Variants in TGFBRAP1 observed in about 807,000 individuals in gnomAD.
The protein encoded by TGFBRAP1 is transforming growth factor-beta receptor-associated protein 1.
Under a neutral mutation model 83.2 loss-of-function variants are expected in TGFBRAP1, and 20 were observed. The observed-to-expected ratio is 0.24, with a 90% CI of 0.17 to 0.35. The LOEUF (loss-of-function observed/expected upper bound fraction) is 0.35, where lower values mean the gene tolerates loss of function less well. Among genes scored for constraint, TGFBRAP1 ranks in the 10% least tolerant of loss-of-function variants. TGFBRAP1 has a pLI of 1.00. For missense variants in TGFBRAP1, 950 were observed against 1,099.4 expected, an observed-to-expected ratio of 0.86 and a Z score of 1.92; for synonymous variants, 415 against 459.8, an observed-to-expected ratio of 0.90 and a Z score of 1.25.
chr2:105,317,708 G>C (rs2104412571), intron 1 of TGFBRAP1, among the ~76,000 whole-genome samples: 1 of 152,262 alleles, frequency 6.6e-6, no homozygotes, highest in Middle Eastern at 3.4e-3. Flanking sequence ...AAAAGATAAG[G>C]GGAAAAGGGG....
chr2:105,276,217 G>C (rs1677338319), intron 7 of TGFBRAP1, among the ~76,000 whole-genome samples: 1 of 152,184 alleles, frequency 6.6e-6, no homozygotes, highest in African/African-American at 2.4e-5. Flanking sequence ...CTTTTGCACA[G>C]GGGGCTCAGG....
intron 5 of TGFBRAP1, among the ~76,000 whole-genome samples, chr2:105,283,151 A>C (rs541123376): frequency 4.7e-4 from 71 of 152,308 alleles, no homozygotes; most frequent in African/African-American, 1.6e-3. Context: ...GGGGCAAAAA[A>C]CTGACTTAAA....
At chr2:105,314,404 C>A (rs1215292777) in intron 1 of TGFBRAP1, among the ~76,000 whole-genome samples, 1 of 151,670 alleles carries the variant, frequency 6.6e-6, no homozygotes, top group African/African-American at 2.4e-5. Context: ...GCGCCTGCCA[C>A]CACGCCTGGC....
At chr2:105,255,299 C>T in the TGFBRAP1 span, among the ~76,000 whole-genome samples, 2 of 152,150 alleles carry the variant, frequency 1.3e-5, no homozygotes, top group African/African-American at 4.8e-5. Context: ...AACAGCTCGC[C>T]CACAAGCAAG....
In TGFBRAP1 at chr2:105,308,130, C is replaced by A. The variant is rs113450226; in HGVS notation, c.172G>T (p.Ala58Ser). 6 of 1,614,036 alleles carry A rather than the reference C, an allele frequency of 3.7e-6. No individual in the cohort carries two copies. Among genetic ancestry groups the A allele is most frequent in the Non-Finnish European group, 4.2e-6 (5 of 1,180,052 alleles). Residue 58 changes from alanine to serine, a missense_variant, in exon 2 of 12, where the codon GCT (alanine) becomes TCT (serine). Ala to Ser is a moderately conservative substitution (Grantham distance 99). Transcript: ENST00000393359. ...GTGGCAGTGAACGTGGCTGGCCCAG[C>A]AGGCACTGGCCTCTCCTCCAACAGG... Reference protein sequence around the residue: ...HFLLEERPVPAGPATFTATKQ... With the variant: ...HFLLEERPVPSGPATFTATKQ...
At chr2:105,261,190 C>A (rs1443864484), downstream of TGFBRAP1, among the ~76,000 whole-genome samples, 1 of 152,128 alleles carries the variant, frequency 6.6e-6, no homozygotes, top group Non-Finnish European at 1.5e-5. Flanking sequence ...CAACTGACCA[C>A]CCCAGTTCTA....
chr2:105,289,636 A>G (rs1475739269), intron 4 of TGFBRAP1, among the ~76,000 whole-genome samples: 1 of 152,182 alleles, frequency 6.6e-6, no homozygotes, highest in Non-Finnish European at 1.5e-5. Flanking sequence ...CAGGCCTCGA[A>G]ACTCTTCCTG....
In TGFBRAP1 at chr2:105,308,116, C is replaced by T. The variant is rs1678576959; in HGVS notation, c.186G>A (p.Thr62=). 36 of 1,614,144 alleles carry T rather than the reference C, an allele frequency of 2.2e-5. No individual in the cohort carries two copies. Among genetic ancestry groups the T allele is most frequent in the Non-Finnish European group, 3.0e-5 (35 of 1,180,024 alleles). The change falls in exon 2 of 12, where the codon ACG becomes ACA. Residue 62 remains threonine (T), a synonymous_variant. Coordinates refer to ENST00000393359, the MANE Select transcript of TGFBRAP1 (RefSeq NM_004257.6). ...EERPVPAGPA[T]FTATKQLQRH... is the part of the protein sequence containing the mutation. Reference sequence around the variant, plus strand: ...TCTGCAGCTGTTTGGTGGCAGTGAACGTGGCTGGCCCAGCAGGCACTGGCC... The same window carrying T: ...TCTGCAGCTGTTTGGTGGCAGTGAATGTGGCTGGCCCAGCAGGCACTGGCC...
chr2:105,275,508 G>C (rs1459543404), intron 8 of TGFBRAP1, 52 bp downstream of exon 8: 1 of 1,603,812 alleles, frequency 6.2e-7, no homozygotes, highest in Non-Finnish European at 8.5e-7. Context: ...TTTGGGGTCT[G>C]TTTTTACCAC....
In TGFBRAP1 at chr2:105,275,701, C is replaced by A; in HGVS notation, c.1524G>T (p.Leu508Phe). The change falls in exon 8 of 12, where the codon TTG (leucine) becomes TTT (phenylalanine). Residue 508 changes from leucine (L) to phenylalanine (F), a missense_variant and splice_region_variant. Physicochemically the swap from Leu to Phe is conservative, Grantham distance 22. Transcript: ENST00000393359. ...YNNQDAAAVQLWVNIVNGDVQ... is the reference protein window; with the variant it reads ...YNNQDAAAVQFWVNIVNGDVQ... ...CATCGCCATTCACAATGTTCACCCA[C>A]AACTGGAAAGGAATCAAAAAGAAAA... The A allele has an allele frequency of 6.3e-7, 1 of 1,596,898 alleles. No homozygotes were observed. Among genetic ancestry groups the A allele is most frequent in the Non-Finnish European group, 8.5e-7 (1 of 1,173,836 alleles).
Position 105,284,310 on chromosome 2 carries a change from A to T in TGFBRAP1, c.1121+6T>A, listed in dbSNP as rs369329718. 7.6e-5 allele frequency: 123 copies of T among 1,613,708 alleles called. No individual in the cohort carries two copies. The African/African-American group carries it at 1.5e-3, about 20-fold the overall frequency. On this transcript the variant is annotated splice_donor_region_variant and intron_variant, in intron 5 of 11. Transcript: ENST00000393359. ...TGGCAGTCTTGCTACCAGCACCTCA[A>T]ATTACCTGAAGAGCTCTTTAGCTTC...
rs1197466594 is a variant in TGFBRAP1, at chr2:105,266,855, C to G, written c.*528G>C. 6.5e-6 allele frequency: 1 copy of G among 153,104 alleles called. No homozygotes were observed. The highest frequency in any genetic ancestry group is 1.9e-4 in the East Asian group (1 of 5,172). The allele number at this position is 153,104 out of a possible 1,614,324, so 9.5% of individuals were successfully genotyped here. ...ACGAGGTAACCCTGGGAAATGGGCC[C>G]ATGAGTGAGCGGCGTGGATGGAGAA... On this transcript the variant is annotated 3_prime_UTR_variant, in exon 12 of 12. Coordinates refer to ENST00000393359, the MANE Select transcript of TGFBRAP1 (RefSeq NM_004257.6).
Position 105,266,270 on chromosome 2 carries a change from A to AC in TGFBRAP1, c.*1112dup, listed in dbSNP as rs1676929909. ...GAGGGTGTGCCATCCAGGAGGCGACACCCCCATCCAGCACACGGGCCCTTC... is the reference window on the plus strand; with the variant it reads ...GAGGGTGTGCCATCCAGGAGGCGACACCCCCCATCCAGCACACGGGCCCTTC... On this transcript the variant is annotated 3_prime_UTR_variant, in exon 12 of 12. Transcript: ENST00000393359. 2 of 152,098 alleles carry AC rather than the reference A, an allele frequency of 1.3e-5. No homozygotes were observed. The highest frequency in any genetic ancestry group is 2.9e-5 in the Non-Finnish European group (2 of 68,028). The allele number at this position is 152,098 out of a possible 1,614,324, so 9.4% of individuals were successfully genotyped here.
intron 2 of TGFBRAP1, among the ~76,000 whole-genome samples, chr2:105,305,530 C>T (rs1678465690): frequency 6.6e-6 from 1 of 152,142 alleles, no homozygotes; most frequent in Admixed American, 6.5e-5. Context: ...GCTAAAGCCC[C>T]TTTTGAGGAG....
At chr2:105,282,980 G>A (rs970675191) in intron 5 of TGFBRAP1, among the ~76,000 whole-genome samples, 4 of 152,138 alleles carry the variant, frequency 2.6e-5, no homozygotes, top group East Asian at 1.9e-4. Flanking sequence ...TACAAAATCC[G>A]AGGACTCTTC....
rs573102673 is a variant in TGFBRAP1 at position 105,266,411 on chromosome 2, T to C, written c.*972A>G. 6.6e-6 allele frequency: 1 copy of C among 152,384 alleles called. No individual in the cohort carries two copies. The highest frequency in any genetic ancestry group is 6.5e-5 in the Admixed American group (1 of 15,306). 9.4% of individuals were successfully genotyped at this position (152,384 alleles called of 1,614,324 possible). On this transcript the variant is annotated 3_prime_UTR_variant, in exon 12 of 12. Transcript: ENST00000393359. ...AATTTCCCGAGTATTCAACAGGAGATACATTTTAACAAGAAAAAATACCCC... is the reference window on the plus strand; with the variant it reads ...AATTTCCCGAGTATTCAACAGGAGACACATTTTAACAAGAAAAAATACCCC...
chr2:105,321,349 G>C (rs1009989639), intron 1 of TGFBRAP1, among the ~76,000 whole-genome samples: 1 of 151,830 alleles, frequency 6.6e-6, no homozygotes, highest in Non-Finnish European at 1.5e-5. Context: ...TGTATTTTTA[G>C]TAAAGATGGG....
chr2:105,296,445 T>C lies in TGFBRAP1; in HGVS notation c.949A>G (p.Ile317Val). ...CTGCGGCTTGCTAGAAGATCCTGTA[T>C]TTGTTTTTCCAAAGGTAATGGAACC... Reference protein sequence around the residue: ...ILVPLPLEKQIQDLLASRRVE... With the variant: ...ILVPLPLEKQVQDLLASRRVE... Residue 317 changes from isoleucine (I) to valine (V), a missense_variant, in exon 4 of 12, where the codon ATA becomes GTA. Coordinates refer to ENST00000393359, the MANE Select transcript of TGFBRAP1 (RefSeq NM_004257.6). 4 of 1,614,156 alleles carry C rather than the reference T, an allele frequency of 2.5e-6. No homozygotes were observed. The highest frequency in any genetic ancestry group is 3.4e-6 in the Non-Finnish European group (4 of 1,180,020).
chr2:105,296,622 A>G, intron 3 of TGFBRAP1, 112 bp from the exon 4 acceptor site: 2 of 1,211,746 alleles, frequency 1.7e-6, no homozygotes, highest in East Asian at 2.6e-5. Context: ...ACTTCACCAT[A>G]GTTTTCTCAA....
Sources: allele counts gnomAD v4.1 joint callset (sites outside exome capture counted in the v4.1 genomes callset), GRCh38; gene constraint gnomAD v4.1.1; transcripts MANE v1.5; gene names NCBI Gene and HGNC (gene_info 2026-07-23, HGNC 2026-07-21).